VN1R2: variants seen among roughly 807,000 people sequenced by gnomAD.
VN1R2 encodes vomeronasal type-1 receptor 2.
For missense variants in VN1R2, 418 were observed against 452.4 expected (o/e 0.92, Z 0.69); for synonymous variants, 160 against 173.1 (o/e 0.92, Z 0.59).
Position 53,258,435 on chromosome 19 carries a change from C to G in VN1R2, c.60C>G (p.Ala20=). 2 of 779,614 alleles carry G rather than the reference C, an allele frequency of 2.6e-6. No homozygotes were observed. The highest frequency in any genetic ancestry group is 4.5e-6 in the Non-Finnish European group (2 of 443,292). The allele number at this position is 779,614 out of a possible 1,614,324, so 48.3% of individuals were successfully genotyped here. The stretch of plus-strand genomic sequence containing the variant: ...TGTATCCAATAAATATCAGCGCAGC[C>G]TGGCATTTGGGGCCACTACCAGTCT... The part of the protein sequence containing the change: ...FALYPINISA[A]WHLGPLPVSC... The change falls in exon 1 of 1, where the codon GCC becomes GCG. Residue 20 remains alanine, a synonymous_variant. Transcript: ENST00000341702.
chr19:53,259,366 T>G lies in VN1R2; in HGVS notation c.991T>G (p.Ser331Ala), dbSNP rs1412992440. ...CACCTTTGCATTATGTTACGCCCTT[T>G]CCTTCATCACCTACGTTTATTTAGC... Reference protein sequence around the residue: ...VSTFALCYALSFITYVYLALF... With the variant: ...VSTFALCYALAFITYVYLALF... Residue 331 changes from serine to alanine, a missense_variant, in exon 1 of 1, where the codon TCC becomes GCC. By Grantham distance (99) the Ser-to-Ala change is moderately conservative. Transcript: ENST00000341702. 1 of 1,614,102 alleles carries G rather than the reference T, an allele frequency of 6.2e-7. No homozygotes were observed. The highest frequency in any genetic ancestry group is 8.5e-7 in the Non-Finnish European group (1 of 1,180,058).
chr19:53,258,898 G>A lies in VN1R2; in HGVS notation c.523G>A (p.Val175Met). Residue 175 changes from valine (V) to methionine (M), a missense_variant, in exon 1 of 1, where the codon GTG (valine) becomes ATG (methionine). By Grantham distance (21) the Val-to-Met change is conservative. Coordinates refer to ENST00000341702, the MANE Select transcript of VN1R2 (RefSeq NM_173856.2). The stretch of plus-strand genomic sequence containing the variant: ...GTATGCACACAGGGTAGGCAGGGGT[G>A]TGTCCATTGGAAGCACCTGCCTCTT... Reference protein sequence around the residue: ...LLYAHRVGRGVSIGSTCLLSV... With the variant: ...LLYAHRVGRGMSIGSTCLLSV... 1 of 1,614,188 alleles carries A rather than the reference G, an allele frequency of 6.2e-7. No homozygotes were observed. Among genetic ancestry groups the A allele is most frequent in the Non-Finnish European group, 8.5e-7 (1 of 1,180,044 alleles).
Position 53,258,934 on chromosome 19 carries a change from C to G in VN1R2, c.559C>G (p.Gln187Glu), listed in dbSNP as rs201557508. The G allele has an allele frequency of 6.2e-7, 1 of 1,614,174 alleles. No homozygotes were observed. The highest frequency in any genetic ancestry group is 1.3e-5 in the African/African-American group (1 of 75,038). ...IGSTCLLSVF[Q>E]VITINPRNSR... ...AAGCACCTGCCTCTTGAGTGTCTTC[C>G]AGGTGATCACCATCAACCCTAGGAA... Residue 187 changes from glutamine to glutamate, a missense_variant, in exon 1 of 1, where the codon CAG becomes GAG. Coordinates refer to ENST00000341702, the MANE Select transcript of VN1R2 (RefSeq NM_173856.2).
Position 53,259,300 on chromosome 19 carries a change from C to T in VN1R2, c.925C>T (p.Pro309Ser), listed in dbSNP as rs2091325746. 3.7e-6 allele frequency: 6 copies of T among 1,614,052 alleles called. No individual in the cohort carries two copies. The highest frequency in any genetic ancestry group is 1.3e-5 in the African/African-American group (1 of 74,918). The change falls in exon 1 of 1, where the codon CCT becomes TCT. Residue 309 changes from proline (P) to serine (S), a missense_variant. Physicochemically the swap from Pro to Ser is moderately conservative, Grantham distance 74. Coordinates refer to ENST00000341702, the MANE Select transcript of VN1R2 (RefSeq NM_173856.2). ...CRNNLYPNSSPGNRAIQSILA... is the reference protein window; with the variant it reads ...CRNNLYPNSSSGNRAIQSILA... ...GAACAATCTCTACCCCAACTCTTCT[C>T]CTGGGAACAGAGCCATCCAAAGCAT...
In VN1R2 at chr19:53,258,800, A is replaced by G. The variant is rs917064938; in HGVS notation, c.425A>G (p.Lys142Arg). 8 of 1,614,082 alleles carry G rather than the reference A, an allele frequency of 5.0e-6. No homozygotes were observed. The highest frequency in any genetic ancestry group is 6.8e-6 in the Non-Finnish European group (8 of 1,180,042). Residue 142 changes from lysine (K) to arginine (R), a missense_variant, in exon 1 of 1, where the codon AAA becomes AGA. Physicochemically the swap from Lys to Arg is conservative, Grantham distance 26 (BLOSUM62 2). Transcript: ENST00000341702. ...TVADSLVILS[K>R]RIPETMATFG... ...GCTGACTCCTTGGTTATCCTATCTA[A>G]AAGAATCCCAGAGACCATGGCAACT...
In VN1R2 at chr19:53,258,883, A is replaced by G. The variant is rs114416919; in HGVS notation, c.508A>G (p.Arg170Gly). The change falls in exon 1 of 1, where the codon AGG (arginine) becomes GGG (glycine). Residue 170 changes from arginine to glycine, a missense_variant. Physicochemically the swap from Arg to Gly is moderately radical, Grantham distance 125 (BLOSUM62 -2). Coordinates refer to ENST00000341702, the MANE Select transcript of VN1R2 (RefSeq NM_173856.2). ...FGCKFLLYAH[R>G]VGRGVSIGST... Reference sequence around the variant, plus strand: ...ATGCAAATTTCTTTTGTATGCACACAGGGTAGGCAGGGGTGTGTCCATTGG... The same window carrying G: ...ATGCAAATTTCTTTTGTATGCACACGGGGTAGGCAGGGGTGTGTCCATTGG... 2.5e-6 allele frequency: 4 copies of G among 1,614,138 alleles called. No homozygotes were observed. Among genetic ancestry groups the G allele is most frequent in the Middle Eastern group, 1.6e-4 (1 of 6,062 alleles).
In VN1R2 at chr19:53,258,870, T is replaced by C. The variant is rs534711649; in HGVS notation, c.495T>C (p.Leu165=). The change falls in exon 1 of 1, where the codon CTT becomes CTC. Residue 165 remains leucine (L), a synonymous_variant. Coordinates refer to ENST00000341702, the MANE Select transcript of VN1R2 (RefSeq NM_173856.2). ...ACAATTATTTTGGATGCAAATTTCT[T>C]TTGTATGCACACAGGGTAGGCAGGG... is the stretch of plus-strand genomic sequence containing the variant. ...HFDNYFGCKF[L]LYAHRVGRGV... is the part of the protein sequence containing the mutation. 8.7e-6 allele frequency: 14 copies of C among 1,614,136 alleles called. No homozygotes were observed. In the African/African-American group the frequency reaches 1.3e-4, roughly 15 times the overall value.
chr19:53,259,514 T>G lies in VN1R2; in HGVS notation c.1139T>G (p.Ile380Ser). The G allele has an allele frequency of 1.2e-6, 2 of 1,613,274 alleles. No individual in the cohort carries two copies. Among genetic ancestry groups the G allele is most frequent in the Non-Finnish European group, 1.7e-6 (2 of 1,179,812 alleles). ...CCCAGCAGATCCAGGCTCTGCAGTA[T>G]CTGCTGCAGAAGAAATAGACGATTC... ...RDPSRSRLCS[I>S]CCRRNRRFFH... Residue 380 changes from isoleucine (I) to serine (S), a missense_variant, in exon 1 of 1, where the codon ATC (isoleucine) becomes AGC (serine). Coordinates refer to ENST00000341702, the MANE Select transcript of VN1R2 (RefSeq NM_173856.2).
Position 53,258,929 on chromosome 19 carries a change from T to C in VN1R2, c.554T>C (p.Val185Ala). The C allele has an allele frequency of 6.2e-7, 1 of 1,614,180 alleles. No individual in the cohort carries two copies. Among genetic ancestry groups the C allele is most frequent in the Non-Finnish European group, 8.5e-7 (1 of 1,180,028 alleles). The change falls in exon 1 of 1, where the codon GTC (valine) becomes GCC (alanine). Residue 185 changes from valine (V) to alanine (A), a missense_variant. By Grantham distance (64) the Val-to-Ala change is moderately conservative. Coordinates refer to ENST00000341702, the MANE Select transcript of VN1R2 (RefSeq NM_173856.2). The stretch of plus-strand genomic sequence containing the variant: ...ATTGGAAGCACCTGCCTCTTGAGTG[T>C]CTTCCAGGTGATCACCATCAACCCT... Reference protein sequence around the residue: ...VSIGSTCLLSVFQVITINPRN... With the variant: ...VSIGSTCLLSAFQVITINPRN...
chr19:53,258,422 A>G lies in VN1R2; in HGVS notation c.47A>G (p.Asn16Ser), dbSNP rs1009680141. The G allele has an allele frequency of 5.4e-6, 4 of 747,408 alleles. No homozygotes were observed. The highest frequency in any genetic ancestry group is 5.2e-5 in the African/African-American group (3 of 57,546). 46.3% of individuals were successfully genotyped at this position (747,408 alleles called of 1,614,324 possible). A position where few individuals can be genotyped will look rare whatever the true frequency, so the allele number is the denominator to read the frequency against. Residue 16 changes from asparagine to serine, a missense_variant, in exon 1 of 1, where the codon AAT becomes AGT. By Grantham distance (46) the Asn-to-Ser change is conservative. Transcript: ENST00000341702. ...ACCCCTTTTGCTTTGTATCCAATAAATATCAGCGCAGCCTGGCATTTGGGG... is the reference window on the plus strand; with the variant it reads ...ACCCCTTTTGCTTTGTATCCAATAAGTATCAGCGCAGCCTGGCATTTGGGG... ...YPTPFALYPI[N>S]ISAAWHLGPL...
Position 53,258,687 on chromosome 19 carries a change from T to A in VN1R2, c.312T>A (p.Asn104Lys). The A allele has an allele frequency of 6.2e-7, 1 of 1,614,096 alleles. No individual in the cohort carries two copies. Among genetic ancestry groups the A allele is most frequent in the Non-Finnish European group, 8.5e-7 (1 of 1,179,996 alleles). Residue 104 changes from asparagine to lysine, a missense_variant, in exon 1 of 1, where the codon AAT (asparagine) becomes AAA (lysine). Asn to Lys is a moderately conservative substitution (Grantham distance 94). Transcript: ENST00000341702. ...LFQVVVGILG[N>K]FSLLYYYMFL... ...AGGTAGTTGTTGGAATCCTGGGGAA[T>A]TTTTCACTCTTATATTATTATATGT...
At position 53,258,520 on chromosome 19, in the gene VN1R2, C is replaced by T. The variant is rs140171943; in HGVS notation, c.145C>T (p.Arg49Cys). The change falls in exon 1 of 1, where the codon CGC becomes TGC. Residue 49 changes from arginine to cysteine, a missense_variant. Coordinates refer to ENST00000341702, the MANE Select transcript of VN1R2 (RefSeq NM_173856.2). ...SLAFGATTGL[R>C]VLVVVVPQTQ... ...GGCATTCGGGGCCACTACCGGTCTC[C>T]GCGTCTTGGTGGTAGTGGTCCCCCA... 7,327 of 1,467,742 alleles carry T rather than the reference C, an allele frequency of 5.0e-3. 32 individuals are homozygous for T. Among genetic ancestry groups the T allele is most frequent in the Non-Finnish European group, 5.9e-3 (6,355 of 1,071,934 alleles). The allele number at this position is 1,467,742 out of a possible 1,614,324, so 90.9% of individuals were successfully genotyped here. A position where few individuals can be genotyped will look rare whatever the true frequency, so the allele number is the denominator to read the frequency against.
upstream of VN1R2, chr19:53,259,122 T>A (rs1014142895): frequency 6.2e-7 from 1 of 1,614,096 alleles, no homozygotes; most frequent in Non-Finnish European, 8.5e-7. Context: ...TGGGATATTG[T>A]TCTGCCCCAC....
Position 53,258,998 on chromosome 19 carries a change from A to G in VN1R2, c.623A>G (p.Tyr208Cys). ...WAEMKVKAPT[Y>C]IGLSNILCWA... ...GAGATGAAAGTAAAAGCCCCGACAT[A>G]CATTGGTCTCTCCAATATCCTGTGC... is the stretch of plus-strand genomic sequence containing the variant. The change falls in exon 1 of 1, where the codon TAC becomes TGC. Residue 208 changes from tyrosine (Y) to cysteine (C), a missense_variant. By Grantham distance (194) the Tyr-to-Cys change is radical. Coordinates refer to ENST00000341702, the MANE Select transcript of VN1R2 (RefSeq NM_173856.2). 1 of 1,614,162 alleles carries G rather than the reference A, an allele frequency of 6.2e-7. No individual in the cohort carries two copies. The highest frequency in any genetic ancestry group is 8.5e-7 in the Non-Finnish European group (1 of 1,180,034).
Position 53,258,353 on chromosome 19 carries a change from C to T in VN1R2, c.-23C>T, listed in dbSNP as rs2965248. 190,585 of 662,024 alleles carry T rather than the reference C, an allele frequency of 0.29. 28,119 individuals are homozygous for T. The highest frequency in any genetic ancestry group is 0.39 in the East Asian group (14,227 of 36,702). The allele number at this position is 662,024 out of a possible 1,614,324, so 41.0% of individuals were successfully genotyped here. On this transcript the variant is annotated 5_prime_UTR_variant, in exon 1 of 1. The change creates a new upstream start codon in the 5' untranslated region. Transcript: ENST00000341702. ...CCCTGTCCAGTGGACACGTGACCCA[C>T]GTGACCTTACCTATCATTGGAGATG...
rs1361122433 is a variant in VN1R2 at position 53,259,594 on chromosome 19, G to A, written c.*31G>A. ...CTGTCTTGGTTTATGTTCGGCCACT[G>A]ATGCACTCAGACCTCAAGGGATCTT... On this transcript the variant is annotated 3_prime_UTR_variant, in exon 1 of 1. Coordinates refer to ENST00000341702, the MANE Select transcript of VN1R2 (RefSeq NM_173856.2). 2 of 1,582,818 alleles carry A rather than the reference G, an allele frequency of 1.3e-6. No homozygotes were observed. Among genetic ancestry groups the A allele is most frequent in the African/African-American group, 1.3e-5 (1 of 74,360 alleles).
At chr19:53,259,255 C>T (rs553284870) in exon 1 of VN1R2, 1 of 1,614,178 alleles carries the variant, frequency 6.2e-7, no homozygotes, top group South Asian at 1.1e-5. Flanking sequence ...GCACAAACAG[C>T]AGGTACAACA....
chr19:53,258,747 A>G lies in VN1R2; in HGVS notation c.372A>G (p.Thr124=), dbSNP rs781424168. 4 of 1,614,024 alleles carry G rather than the reference A, an allele frequency of 2.5e-6. No individual in the cohort carries two copies. The highest frequency in any genetic ancestry group is 1.7e-4 in the Middle Eastern group (1 of 6,058). Reference sequence around the variant, plus strand: ...TTAGGGGATACAAGCCAAGATCCACAGATTTGATTCTCAGGCACCTGACTG... The same window carrying G: ...TTAGGGGATACAAGCCAAGATCCACGGATTTGATTCTCAGGCACCTGACTG... ...LYFRGYKPRS[T]DLILRHLTVA... is the part of the protein sequence containing the mutation. The change falls in exon 1 of 1, where the codon ACA becomes ACG. Residue 124 remains threonine (T), a synonymous_variant. Transcript: ENST00000341702.
At position 53,258,814 on chromosome 19, in the gene VN1R2, A is replaced by T; in HGVS notation, c.439A>T (p.Thr147Ser). ...TATCCTATCTAAAAGAATCCCAGAG[A>T]CCATGGCAACTTTTGGGTTGAAACA... ...LVILSKRIPETMATFGLKHFD... is the reference protein window; with the variant it reads ...LVILSKRIPESMATFGLKHFD... Residue 147 changes from threonine to serine, a missense_variant, in exon 1 of 1, where the codon ACC becomes TCC. Physicochemically the swap from Thr to Ser is moderately conservative, Grantham distance 58. Coordinates refer to ENST00000341702, the MANE Select transcript of VN1R2 (RefSeq NM_173856.2). 1 of 1,614,180 alleles carries T rather than the reference A, an allele frequency of 6.2e-7. No individual in the cohort carries two copies. The highest frequency in any genetic ancestry group is 1.1e-5 in the South Asian group (1 of 91,090).
Sources: allele counts gnomAD v4.1 joint callset, GRCh38; gene constraint gnomAD v4.1.1; transcripts MANE v1.5; gene names NCBI Gene and HGNC (gene_info 2026-07-23, HGNC 2026-07-21).